The following ADCY2 variants were observed in gnomAD, a reference collection of about 807,000 sequenced individuals.
ADCY2 encodes the protein adenylate cyclase type 2.
ADCY2 carries 31 observed loss-of-function variants against 125.2 expected under a neutral mutation model. The ratio of observed to expected loss-of-function variants is 0.25; its 90% confidence interval spans 0.19 to 0.33. The LOEUF (loss-of-function observed/expected upper bound fraction) is 0.33. Ranked by LOEUF, ADCY2 falls within the 10% of genes least tolerant of loss-of-function variation. The probability of loss-of-function intolerance (pLI) is 1.00; values close to 1 mark genes in which losing one functional copy is unlikely to be tolerated. For synonymous variants in ADCY2, 512 were observed against 548.4 expected (o/e 0.93, Z 0.93); for missense variants, 904 against 1,418.2 (o/e 0.64, Z 5.82).
chr5:7,474,147 T>C (rs1479738671), intron 2 of ADCY2, among the ~76,000 whole-genome samples: 1 of 152,202 alleles, frequency 6.6e-6, no homozygotes. Flanking sequence ...GGAGCAATGC[T>C]CTTTACAGGT....
chr5:7,711,390 T>G (rs555751853), intron 10 of ADCY2, among the ~76,000 whole-genome samples: 5 of 152,326 alleles, frequency 3.3e-5, no homozygotes, highest in Admixed American at 2.0e-4. Flanking sequence ...GTCTGATAAC[T>G]CCATTTCCCA....
chr5:7,730,194 T>C (rs1170321469), intron 14 of ADCY2, among the ~76,000 whole-genome samples: 1 of 152,216 alleles, frequency 6.6e-6, no homozygotes, highest in East Asian at 1.9e-4. Context: ...TCCAACCAAG[T>C]TGCTGCAAAA....
rs1745532970 is a variant in ADCY2 at position 7,827,691 on chromosome 5, T to C, written c.*820T>C. On this transcript the variant is annotated 3_prime_UTR_variant, in exon 25 of 25. Coordinates refer to ENST00000338316, the MANE Select transcript of ADCY2 (RefSeq NM_020546.3). ...AGATGTAATTCAGATTAGGACACAG[T>C]GTGTGACGCAGATAACTGGTTACTC... 6.6e-6 allele frequency: 1 copy of C among 152,354 alleles called. No individual in the cohort carries two copies. Among genetic ancestry groups the C allele is most frequent in the African/African-American group, 2.4e-5 (1 of 41,458 alleles). The allele number at this position is 152,354 out of a possible 1,614,324, so 9.4% of individuals were successfully genotyped here.
chr5:7,778,198 C>G (rs1241433143), intron 18 of ADCY2, among the ~76,000 whole-genome samples: 1 of 152,230 alleles, frequency 6.6e-6, no homozygotes, highest in Non-Finnish European at 1.5e-5. Context: ...AGACACTTAT[C>G]CTTCCCATGA....
chr5:7,469,496 G>A lies in ADCY2; in HGVS notation c.409-51242G>A, dbSNP rs183658974. Among the ~76,000 whole-genome samples the A allele has an allele frequency of 4.0e-4, 60 of 151,780 alleles. 1 individual carries two copies. The highest frequency in any genetic ancestry group is 1.4e-3 in the African/African-American group (58 of 41,444). ...TCTAAACCTGCCTATATATATAGAGGGAGAGAGAGTATATATATGTTTCAT... is the reference window on the plus strand; with the variant it reads ...TCTAAACCTGCCTATATATATAGAGAGAGAGAGAGTATATATATGTTTCAT... On this transcript the variant is annotated intron_variant, in intron 2 of 24. Coordinates refer to ENST00000338316, the MANE Select transcript of ADCY2 (RefSeq NM_020546.3).
chr5:7,721,420 T>G (rs1741753777), intron 12 of ADCY2, among the ~76,000 whole-genome samples: 1 of 152,238 alleles, frequency 6.6e-6, no homozygotes, highest in African/African-American at 2.4e-5. Context: ...CATTTGTCAA[T>G]TTTGGCTTTT....
chr5:7,414,698 G>C lies in ADCY2; in HGVS notation c.336G>C (p.Val112=), dbSNP rs1160232625. Residue 112 remains valine (V), a synonymous_variant, in exon 2 of 25, where the codon GTG becomes GTC. Coordinates refer to ENST00000338316, the MANE Select transcript of ADCY2 (RefSeq NM_020546.3). ...AGCTGCTGCGCCTCTTCTCGTTGGT[G>C]ATATGGATATGCCTTGTTGCCATGG... The part of the protein sequence containing the change: ...FKKLLRLFSL[V]IWICLVAMGY... 3 of 1,613,986 alleles carry C rather than the reference G, an allele frequency of 1.9e-6. No homozygotes were observed. Among genetic ancestry groups the C allele is most frequent in the Non-Finnish European group, 2.5e-6 (3 of 1,179,974 alleles).
At chr5:7,760,496 G>A (rs1003834281) in intron 16 of ADCY2, among the ~76,000 whole-genome samples, 1 of 152,218 alleles carries the variant, frequency 6.6e-6, no homozygotes, top group Non-Finnish European at 1.5e-5. Flanking sequence ...TCAGGAGTGT[G>A]TTCACCATGC....
chr5:7,563,124 T>A (rs1735765754), intron 3 of ADCY2, among the ~76,000 whole-genome samples: 1 of 152,204 alleles, frequency 6.6e-6, no homozygotes, highest in Non-Finnish European at 1.5e-5. Context: ...TGATCTCTGA[T>A]ATTTATTTTT....
chr5:7,549,676 T>G (rs1385050861), intron 3 of ADCY2, among the ~76,000 whole-genome samples: 2 of 152,236 alleles, frequency 1.3e-5, no homozygotes, highest in Non-Finnish European at 2.9e-5. Flanking sequence ...TTGTTTTAAG[T>G]GCCAACATTC....
intron 3 of ADCY2, among the ~76,000 whole-genome samples, chr5:7,538,031 TCTC>T (rs1734875279): frequency 6.6e-6 from 1 of 152,064 alleles, no homozygotes; most frequent in Non-Finnish European, 1.5e-5. Flanking sequence ...CAGTCATAAT[TCTC>T]CTCTCACCTG....
chr5:7,399,062 C>T (rs1045399425), intron 1 of ADCY2, among the ~76,000 whole-genome samples: 1 of 152,214 alleles, frequency 6.6e-6, no homozygotes, highest in Non-Finnish European at 1.5e-5. Context: ...GGAATGGCTG[C>T]TTTGGGACCC....
chr5:7,420,300 C>A (rs1425224655), intron 2 of ADCY2, among the ~76,000 whole-genome samples: 1 of 152,090 alleles, frequency 6.6e-6, no homozygotes, highest in African/African-American at 2.4e-5. Flanking sequence ...GTGAGCAGAA[C>A]TGTATGAAGT....
At chr5:7,553,461 G>A (rs1353486792) in intron 3 of ADCY2, among the ~76,000 whole-genome samples, 1 of 152,234 alleles carries the variant, frequency 6.6e-6, no homozygotes, top group East Asian at 1.9e-4. Context: ...GGAAAGTCTG[G>A]GCCTTCTTTT....
chr5:7,814,009 A>G (rs1043279747), intron 22 of ADCY2, among the ~76,000 whole-genome samples: 5 of 148,792 alleles, frequency 3.4e-5, no homozygotes, highest in East Asian at 3.9e-4. Context: ...GGTTTTCCCC[A>G]TAAGTCGTGA....
At chr5:7,489,229 A>AG (rs1743064335) in intron 2 of ADCY2, among the ~76,000 whole-genome samples, 2 of 152,270 alleles carry the variant, frequency 1.3e-5, no homozygotes, top group South Asian at 4.1e-4. Flanking sequence ...TTCTCACAAG[A>AG]AACATACAAG....
intron 1 of ADCY2, among the ~76,000 whole-genome samples, chr5:7,410,335 A>G (rs1739660174): frequency 6.6e-6 from 1 of 152,196 alleles, no homozygotes. Flanking sequence ...GTTCAAAAAA[A>G]AAAGAAAAAA....
intron 16 of ADCY2, among the ~76,000 whole-genome samples, chr5:7,763,762 G>A (rs1482457419): frequency 6.6e-6 from 1 of 152,208 alleles, no homozygotes; most frequent in East Asian, 1.9e-4. Context: ...TCTGCAGCCG[G>A]TGAGCCTTGG....
At chr5:7,661,934 A>G (rs1035998573) in intron 4 of ADCY2, among the ~76,000 whole-genome samples, 4 of 152,178 alleles carry the variant, frequency 2.6e-5, no homozygotes, top group African/African-American at 9.6e-5. Context: ...TTCACAGATG[A>G]TATCTCCATA....
Sources: gnomAD v4.1 joint callset for allele counts (sites outside exome capture counted in the v4.1 genomes callset) on GRCh38, gnomAD v4.1.1 for gene constraint, MANE v1.5 for transcripts, NCBI Gene and HGNC (gene_info 2026-07-23, HGNC 2026-07-21) for gene names.